The following NAALADL2 variants were observed in gnomAD, a reference collection of about 807,000 sequenced individuals.
NAALADL2 encodes N-acetylated alpha-linked acidic dipeptidase like 2.
In NAALADL2, 76 loss-of-function variants were observed where a neutral mutation model predicts 87.2. The observed-to-expected ratio is 0.87, with a 90% CI of 0.72 to 1.05. NAALADL2 has a LOEUF of 1.05. Among genes scored for constraint, NAALADL2 ranks in the 50% least tolerant of loss-of-function variants. The pLI is 0.00. For synonymous variants in NAALADL2, 354 were observed against 331.0 expected (o/e 1.07, Z -0.75); for missense variants, 1,089 against 945.8 (o/e 1.15, Z -1.99).
At chr3:174,748,326 AT>A (rs139625065) in intron 3 of NAALADL2, among the ~76,000 whole-genome samples, 415 of 136,822 alleles carry the variant, frequency 3.0e-3, no homozygotes, top group Middle Eastern at 7.7e-3. Flanking sequence ...AATAAATTAC[AT>A]TTTTTTTTTT....
chr3:175,371,966 T>G (rs959306428), intron 5 of NAALADL2, among the ~76,000 whole-genome samples: 1 of 152,230 alleles, frequency 6.6e-6, no homozygotes, highest in African/African-American at 2.4e-5. Flanking sequence ...ATTGCCATTC[T>G]GAGCTAAACT....
chr3:174,674,507 T>C (rs939161574), intron 2 of NAALADL2, among the ~76,000 whole-genome samples: 1 of 151,798 alleles, frequency 6.6e-6, no homozygotes, highest in African/African-American at 2.4e-5. Context: ...CAACCACTCT[T>C]CCTTTTTTTT....
intron 2 of NAALADL2, among the ~76,000 whole-genome samples, chr3:174,671,968 G>GATGATGATGA (rs1485544367): frequency 1.2e-4 from 11 of 90,144 alleles, no homozygotes; most frequent in Non-Finnish European, 3.0e-4. Flanking sequence ...GATGACAGTG[G>GATGATGATGA]TGATGATGGC....
intron 10 of NAALADL2, among the ~76,000 whole-genome samples, chr3:175,598,085 C>T (rs934886817): frequency 6.6e-6 from 1 of 151,856 alleles, no homozygotes; most frequent in African/African-American, 2.4e-5. Flanking sequence ...CATAGCAAAA[C>T]AGATAAAACC....
At chr3:175,052,677 TAA>T (rs1755571638) in intron 1 of NAALADL2, among the ~76,000 whole-genome samples, 1 of 149,152 alleles carries the variant, frequency 6.7e-6, no homozygotes, top group Admixed American at 6.9e-5. Context: ...TTTGTTCTTT[TAA>T]TATTTTGCAA....
intron 4 of NAALADL2, among the ~76,000 whole-genome samples, chr3:175,302,240 A>G (rs1039054582): frequency 2.0e-5 from 3 of 152,200 alleles, no homozygotes; most frequent in African/African-American, 7.2e-5. Context: ...TAATACAGAA[A>G]GAGGAAGACA....
chr3:175,271,253 G>A (rs1752788419), intron 4 of NAALADL2, among the ~76,000 whole-genome samples: 1 of 152,054 alleles, frequency 6.6e-6, no homozygotes, highest in Non-Finnish European at 1.5e-5. Flanking sequence ...CCCAAGCATT[G>A]TTTATTGGTA....
At chr3:174,699,142 C>G (rs945677745) in intron 2 of NAALADL2, among the ~76,000 whole-genome samples, 20 of 152,168 alleles carry the variant, frequency 1.3e-4, no homozygotes, top group African/African-American at 3.9e-4. Context: ...ACATTTACTT[C>G]CTTTGTAACA....
At chr3:175,306,384 C>G (rs1009735716) in intron 4 of NAALADL2, among the ~76,000 whole-genome samples, 1 of 152,084 alleles carries the variant, frequency 6.6e-6, no homozygotes, top group African/African-American at 2.4e-5. Context: ...AAACTACTAC[C>G]GAGTGCCAGG....
intron 1 of NAALADL2, among the ~76,000 whole-genome samples, chr3:174,539,288 G>A (rs4458380): frequency 0.71 from 108,380 of 151,982 alleles, 38,747 homozygotes; most frequent in Admixed American, 0.76. Context: ...TGAAATGATA[G>A]CTATCATTAA....
At chr3:174,529,045 A>T (rs1209087427) in intron 1 of NAALADL2, among the ~76,000 whole-genome samples, 2 of 152,168 alleles carry the variant, frequency 1.3e-5, no homozygotes, top group African/African-American at 2.4e-5. Flanking sequence ...GCATTAACTC[A>T]AAAGTCCACA....
intron 1 of NAALADL2, among the ~76,000 whole-genome samples, chr3:174,545,492 G>A (rs1722649049): frequency 6.6e-6 from 1 of 152,108 alleles, no homozygotes; most frequent in Admixed American, 6.5e-5. Context: ...ATTTAACATA[G>A]GCAGCTGCTT....
rs997077233 is a variant in NAALADL2 at position 174,745,507 on chromosome 3, G to T, written c.-9+7761G>T. 2.0e-5 allele frequency among the ~76,000 whole-genome samples: 3 copies of T among 152,122 alleles called. No homozygotes were observed. In the East Asian group the frequency reaches 5.8e-4, roughly 29 times the overall value. ...GATTTACAGCAGAATTCTACTAGAG[G>T]TACAAAGAGGAGCTGGTACCATTCC... is the stretch of plus-strand genomic sequence containing the variant. On this transcript the variant is annotated intron_variant, in intron 3 of 3. Coordinates refer to the NAALADL2 transcript ENST00000434257.
intron 1 of NAALADL2, among the ~76,000 whole-genome samples, chr3:175,021,267 A>G (rs1206155159): frequency 6.6e-6 from 1 of 152,060 alleles, no homozygotes; most frequent in African/African-American, 2.4e-5. Context: ...CTTTAAATTC[A>G]ATAAGAGCTG....
chr3:174,715,092 C>T (rs1056301808), intron 2 of NAALADL2, among the ~76,000 whole-genome samples: 3 of 152,100 alleles, frequency 2.0e-5, no homozygotes, highest in Admixed American at 1.3e-4. Flanking sequence ...CTGGAAATGG[C>T]CCTTATTAGT....
chr3:175,660,719 C>T (rs2149811098), intron 11 of NAALADL2, among the ~76,000 whole-genome samples: 1 of 152,130 alleles, frequency 6.6e-6, no homozygotes, highest in South Asian at 2.1e-4. Flanking sequence ...CTGTAAGACT[C>T]ACCTTTATAG....
At chr3:174,981,151 A>G (rs911295924) in intron 1 of NAALADL2, among the ~76,000 whole-genome samples, 2 of 152,170 alleles carry the variant, frequency 1.3e-5, no homozygotes, top group Non-Finnish European at 2.9e-5. Context: ...CGTTGAGACT[A>G]CACAATTCAC....
At chr3:175,666,334 A>G (rs1387004975) in intron 11 of NAALADL2, among the ~76,000 whole-genome samples, 1 of 152,192 alleles carries the variant, frequency 6.6e-6, no homozygotes, top group Non-Finnish European at 1.5e-5. Flanking sequence ...TAGAGTCATC[A>G]ATCAAATACC....
rs183952187 is a variant in NAALADL2 at position 174,935,853 on chromosome 3, G to A, written c.43+76403G>A. Among the ~76,000 whole-genome samples the A allele has an allele frequency of 3.6e-3, 545 of 151,956 alleles. 3 individuals carry two copies. The highest frequency in any genetic ancestry group is 0.013 in the African/African-American group (530 of 41,456). ...TTTTGCTAGACTATAAGATTAATAGGGATACAGAAAGTGTGATAAGTCTAG... is the reference window on the plus strand; with the variant it reads ...TTTTGCTAGACTATAAGATTAATAGAGATACAGAAAGTGTGATAAGTCTAG... On this transcript the variant is annotated intron_variant, in intron 1 of 13. Transcript: ENST00000454872.
Sources: gnomAD v4.1 joint callset for allele counts (sites outside exome capture counted in the v4.1 genomes callset) on GRCh38, gnomAD v4.1.1 for gene constraint, MANE v1.5 for transcripts, NCBI Gene and HGNC (gene_info 2026-07-23, HGNC 2026-07-21) for gene names.